The following GHITM variants were observed in gnomAD, a reference collection of about 807,000 sequenced individuals.
GHITM encodes the protein growth hormone-inducible transmembrane protein.
A neutral mutation model predicts 38.7 loss-of-function variants in GHITM; 24 were observed. The observed-to-expected ratio is 0.62, with a 90% confidence interval of 0.45 to 0.87. The LOEUF (loss-of-function observed/expected upper bound fraction) is 0.87. Among genes scored for constraint, GHITM ranks in the 40% least tolerant of loss-of-function variants. The pLI, the probability that GHITM is intolerant of heterozygous loss-of-function variation, is 0.00. For missense variants in GHITM, 420 were observed against 429.8 expected (o/e 0.98, Z 0.20); for synonymous variants, 154 against 147.8 (o/e 1.04, Z -0.30).
intron 6 of GHITM, 39 bp from the exon 7 acceptor site, chr10:84,150,016 A>G: frequency 7.2e-7 from 1 of 1,398,530 alleles, no homozygotes; most frequent in Non-Finnish European, 9.5e-7. Context: ...TTTGCTTGTT[A>G]TTTAGTAAAT....
intron 2 of GHITM, among the ~76,000 whole-genome samples, chr10:84,142,230 A>G (rs1488877615): frequency 6.6e-6 from 1 of 152,216 alleles, no homozygotes; most frequent in Non-Finnish European, 1.5e-5. Flanking sequence ...TGTTAAGGAA[A>G]GATGCTGTTC....
chr10:84,144,727 A>C (rs1841541125), intron 4 of GHITM, 148 bp from the exon 5 acceptor site: 1 of 513,696 alleles, frequency 1.9e-6, no homozygotes, highest in African/African-American at 2.0e-5. Flanking sequence ...CCAAGTATGC[A>C]TAATTATCAT....
At chr10:84,145,685 C>T (rs192375966) in intron 5 of GHITM, among the ~76,000 whole-genome samples, 4 of 152,328 alleles carry the variant, frequency 2.6e-5, no homozygotes, top group Admixed American at 2.0e-4. Flanking sequence ...TTCTCTGGAG[C>T]CCTTGTTATT....
At position 84,150,116 on chromosome 10, in the gene GHITM, T is replaced by C; in HGVS notation, c.654T>C (p.Ala218=). 6.2e-7 allele frequency: 1 copy of C among 1,613,924 alleles called. No individual in the cohort carries two copies. The highest frequency in any genetic ancestry group is 8.5e-7 in the Non-Finnish European group (1 of 1,179,860). ...TILGGPLLIR[A]AWYTAGIVGG... is the part of the protein sequence containing the mutation. ...TAGGGGGTCCTCTTCTCATCAGAGCTGCATGGTACACAGCTGGCATTGTGG... is the reference window on the plus strand; with the variant it reads ...TAGGGGGTCCTCTTCTCATCAGAGCCGCATGGTACACAGCTGGCATTGTGG... The change falls in exon 7 of 9, where the codon GCT becomes GCC. Residue 218 remains alanine (A), a synonymous_variant. Transcript: ENST00000372134.
At chr10:84,149,370 TTAAGC>T (rs750477099) in intron 6 of GHITM, among the ~76,000 whole-genome samples, 4 of 152,224 alleles carry the variant, frequency 2.6e-5, no homozygotes, top group African/African-American at 9.6e-5. Context: ...ATGTTATTCT[TTAAGC>T]TAGTATTGAA....
intron 3 of GHITM, among the ~76,000 whole-genome samples, chr10:84,143,025 A>C (rs1030594752): frequency 2.0e-5 from 3 of 152,320 alleles, no homozygotes; most frequent in African/African-American, 7.2e-5. Flanking sequence ...TCTGTTGAGA[A>C]AGTTCATTTT....
intron 5 of GHITM, among the ~76,000 whole-genome samples, chr10:84,147,072 AT>A (rs145994020): frequency 0.086 from 13,158 of 152,126 alleles, 767 homozygotes; most frequent in East Asian, 0.22. Flanking sequence ...GAGGCCTGAA[AT>A]TTTGGGGCAT....
intron 5 of GHITM, among the ~76,000 whole-genome samples, chr10:84,146,323 A>G (rs927152318): frequency 7.2e-5 from 11 of 152,204 alleles, no homozygotes; most frequent in African/African-American, 2.4e-4. Context: ...TTTAGAACCA[A>G]TGTGGAAGAG....
intron 5 of GHITM, among the ~76,000 whole-genome samples, chr10:84,146,119 G>A (rs749503257): frequency 6.6e-6 from 1 of 152,062 alleles, no homozygotes; most frequent in Non-Finnish European, 1.5e-5. Flanking sequence ...ACAGTTTAAG[G>A]GAAGAGGAGG....
rs1261095286 is a variant in GHITM at position 84,152,278 on chromosome 10, A to G, written c.968A>G (p.Tyr323Cys). The G allele has an allele frequency of 5.7e-6, 9 of 1,584,524 alleles. No individual in the cohort carries two copies. The highest frequency in any genetic ancestry group is 7.8e-6 in the Non-Finnish European group (9 of 1,154,826). Residue 323 changes from tyrosine (Y) to cysteine (C), a missense_variant, in exon 9 of 9, where the codon TAC (tyrosine) becomes TGC (cysteine). Physicochemically the swap from Tyr to Cys is radical, Grantham distance 194. Transcript: ENST00000372134. The stretch of plus-strand genomic sequence containing the variant: ...TTCTTTTCTAGGATGCTGAGTATCT[A>G]CATGGATACATTAAATATATTTATG... Reference protein sequence around the residue: ...YDPINSMLSIYMDTLNIFMRV... With the variant: ...YDPINSMLSICMDTLNIFMRV...
chr10:84,143,089 A>G (rs1564641724), intron 3 of GHITM, among the ~76,000 whole-genome samples: 1 of 152,230 alleles, frequency 6.6e-6, no homozygotes, highest in Non-Finnish European at 1.5e-5. Flanking sequence ...TTTCAGATTA[A>G]GAATAAATCA....
At chr10:84,149,740 T>A (rs1004700110) in intron 6 of GHITM, among the ~76,000 whole-genome samples, 13 of 152,338 alleles carry the variant, frequency 8.5e-5, no homozygotes, top group African/African-American at 3.1e-4. Flanking sequence ...TCAATTATTA[T>A]ATGAATGTTG....
intron 1 of GHITM, among the ~76,000 whole-genome samples, chr10:84,140,747 C>T (rs1465718900): frequency 6.6e-6 from 1 of 151,870 alleles, no homozygotes; most frequent in African/African-American, 2.4e-5. Context: ...CTAAGATAAT[C>T]CAGTTTTTAG....
At chr10:84,145,703 A>G (rs1019555246) in intron 5 of GHITM, among the ~76,000 whole-genome samples, 1 of 152,204 alleles carries the variant, frequency 6.6e-6, no homozygotes, top group African/African-American at 2.4e-5. Flanking sequence ...ATTTTGCTAG[A>G]TAAGAGAATT....
chr10:84,148,449 A>G (rs1385598320), intron 5 of GHITM, among the ~76,000 whole-genome samples: 1 of 152,110 alleles, frequency 6.6e-6, no homozygotes, highest in Non-Finnish European at 1.5e-5. Context: ...GGCGCGCACC[A>G]CTGCGCCTGG....
At position 84,145,612 on chromosome 10, in the gene GHITM, A is replaced by G. The variant is rs554241942; in HGVS notation, c.483+596A>G. ...AAATGCCTATGCAGTTAAGAGCAGA[A>G]TAGTGCTGCTACTATTATTCCTAAG... On this transcript the variant is annotated intron_variant, in intron 5 of 8. Transcript: ENST00000372134. Among the ~76,000 whole-genome samples the G allele has an allele frequency of 1.5e-4, 23 of 152,382 alleles. 1 individual carries two copies. The highest frequency in any genetic ancestry group is 3.4e-3 in the Middle Eastern group (1 of 294).
rs368496790 is a variant in GHITM, at chr10:84,144,977, G to A, written c.444G>A (p.Thr148=). 66 of 1,612,220 alleles carry A rather than the reference G, an allele frequency of 4.1e-5. No individual in the cohort carries two copies. Among genetic ancestry groups the A allele is most frequent in the Middle Eastern group, 1.6e-4 (1 of 6,076 alleles). Residue 148 remains threonine (T), a synonymous_variant, in exon 5 of 9, where the codon ACG becomes ACA. Transcript: ENST00000372134. ...TGTCTGCCATAGCAATCAGCAGAAC[G>A]CCTGTTCTCATGAACTTCATGATGA... is the stretch of plus-strand genomic sequence containing the variant. ...TALSAIAISR[T]PVLMNFMMRG...
intron 5 of GHITM, among the ~76,000 whole-genome samples, chr10:84,147,740 A>G (rs1247000297): frequency 2.0e-5 from 3 of 152,160 alleles, no homozygotes; most frequent in Non-Finnish European, 4.4e-5. Context: ...TCTTATTTCC[A>G]TTACATGTTA....
Position 84,150,191 on chromosome 10 carries a change from C to G in GHITM, c.729C>G (p.Asn243Lys). 1 of 1,613,596 alleles carries G rather than the reference C, an allele frequency of 6.2e-7. No homozygotes were observed. Among genetic ancestry groups the G allele is most frequent in the Non-Finnish European group, 8.5e-7 (1 of 1,179,912 alleles). ...AMCAPSEKFLNMGAPLGVGLG... is the reference protein window; with the variant it reads ...AMCAPSEKFLKMGAPLGVGLG... ...GTGCGCCCAGTGAAAAGTTTCTGAA[C>G]ATGGGTGCACCCCTGGGAGTGGGCC... Residue 243 changes from asparagine to lysine, a missense_variant, in exon 7 of 9, where the codon AAC (asparagine) becomes AAG (lysine). Transcript: ENST00000372134.
Sources: gnomAD v4.1 joint callset for allele counts (sites outside exome capture counted in the v4.1 genomes callset) on GRCh38, gnomAD v4.1.1 for gene constraint, MANE v1.5 for transcripts, NCBI Gene and HGNC (gene_info 2026-07-23, HGNC 2026-07-21) for gene names.